PSMF1: variants seen among roughly 807,000 people sequenced by gnomAD.
The protein encoded by PSMF1 is proteasome inhibitor subunit 1, also known as proteasome inhibitor PI31 subunit.
PSMF1 carries 30 observed loss-of-function variants against 29.3 expected under a neutral mutation model. The observed-to-expected ratio is 1.02, with a 90% CI of 0.77 to 1.39. PSMF1 has a LOEUF of 1.39. PSMF1 is among the 40% of genes most tolerant of loss of function. PSMF1 has a pLI of 0.00. For synonymous variants in PSMF1, 134 were observed against 139.7 expected (o/e 0.96, Z 0.29); for missense variants, 344 against 357.5 (o/e 0.96, Z 0.31).
Position 1,163,289 on chromosome 20 carries a change from G to A in PSMF1, c.605+106G>A, listed in dbSNP as rs2086689268. On this transcript the variant is annotated intron_variant, in intron 5 of 6. Coordinates refer to ENST00000335877, the MANE Select transcript of PSMF1 (RefSeq NM_006814.5). This position sits in a 1 kb window ranked among gnomAD's most constrained non-coding sequence, Gnocchi z 6.1. The stretch of plus-strand genomic sequence containing the variant: ...TTTTCGGTCAGTCTCTTCCTTTGGG[G>A]TGGAGGAGGCAGTTGTTGCTGAGCA... The A allele has an allele frequency of 1.1e-5, 14 of 1,292,248 alleles. No individual in the cohort carries two copies. Among genetic ancestry groups the A allele is most frequent in the Admixed American group, 2.0e-5 (1 of 50,530 alleles). 80.0% of individuals were successfully genotyped at this position (1,292,248 alleles called of 1,614,324 possible). A position where few individuals can be genotyped will look rare whatever the true frequency, so the allele number is the denominator to read the frequency against.
Position 1,118,837 on chromosome 20 carries a change from C to T in PSMF1, c.64C>T (p.Leu22Phe). 6.2e-7 allele frequency: 1 copy of T among 1,613,756 alleles called. No individual in the cohort carries two copies. The highest frequency in any genetic ancestry group is 8.5e-7 in the Non-Finnish European group (1 of 1,179,634). Residue 22 changes from leucine to phenylalanine, a missense_variant, in exon 1 of 7, where the codon CTC becomes TTC. Transcript: ENST00000335877. ...GGCCATCACCTGCAGGCAGGACGCGCTCGTCTGCTTCTTGCATTGGGAAGT... is the reference window on the plus strand; with the variant it reads ...GGCCATCACCTGCAGGCAGGACGCGTTCGTCTGCTTCTTGCATTGGGAAGT... ...APAITCRQDA[L>F]VCFLHWEVVT...
At chr20:1,153,811 G>A (rs2086561297) in intron 4 of PSMF1, among the ~76,000 whole-genome samples, 1 of 152,202 alleles carries the variant, frequency 6.6e-6, no homozygotes, top group South Asian at 2.1e-4. Context: ...AGGTGCAGTT[G>A]AGGCTCCTGA....
At chr20:1,150,950 TGTGA>T (rs1289563549) in intron 4 of PSMF1, among the ~76,000 whole-genome samples, 1 of 152,230 alleles carries the variant, frequency 6.6e-6, no homozygotes, top group African/African-American at 2.4e-5. Context: ...TTATGTGTGG[TGTGA>T]GATTTATATT....
intron 2 of PSMF1, 35 bp downstream of exon 2, chr20:1,125,685 A>T (rs1408498533): frequency 2.5e-6 from 4 of 1,595,986 alleles, no homozygotes; most frequent in East Asian, 4.5e-5. Flanking sequence ...TGCTGATGAG[A>T]TGGGGATAGG....
chr20:1,129,534 G>T (rs2086202044), intron 3 of PSMF1, among the ~76,000 whole-genome samples: 1 of 152,124 alleles, frequency 6.6e-6, no homozygotes, highest in South Asian at 2.1e-4. Flanking sequence ...TTCCCCTCCT[G>T]CATGCCACCC....
At position 1,171,991 on chromosome 20, in the gene PSMF1, C is replaced by T. The variant is rs144516424; in HGVS notation, c.*6911C>T. ...TGGCCTTGGACAAGTTTGGCTTTCC[C>T]CATCTGTAAAATGTAGATAAGGATG... is the stretch of plus-strand genomic sequence containing the variant. On this transcript the variant is annotated 3_prime_UTR_variant, in exon 7 of 7. Transcript: ENST00000335877. Among the ~76,000 whole-genome samples, 309 of 152,296 alleles carry T rather than the reference C, an allele frequency of 2.0e-3. 2 individuals are homozygous for T. Among genetic ancestry groups the T allele is most frequent in the African/African-American group, 7.1e-3 (297 of 41,566 alleles).
chr20:1,143,215 A>G (rs2086405874), intron 4 of PSMF1, among the ~76,000 whole-genome samples: 1 of 152,238 alleles, frequency 6.6e-6, no homozygotes, highest in African/African-American at 2.4e-5. Flanking sequence ...TTTTAAAAGA[A>G]TAAAGTAGAA....
At chr20:1,161,732 T>A (rs1463142198) in intron 4 of PSMF1, 5 of 551,994 alleles carry the variant, frequency 9.1e-6, no homozygotes, top group Non-Finnish European at 1.7e-5. Flanking sequence ...ATTTGCTGCA[T>A]AGGATAATTC....
chr20:1,122,798 T>G (rs145326572), intron 1 of PSMF1, among the ~76,000 whole-genome samples: 1 of 152,214 alleles, frequency 6.6e-6, no homozygotes, highest in Admixed American at 6.5e-5. Flanking sequence ...GTTAGAGATA[T>G]CAGTTTCACC....
intron 2 of PSMF1, among the ~76,000 whole-genome samples, chr20:1,126,726 A>G (rs1024419580): frequency 6.6e-6 from 1 of 152,040 alleles, no homozygotes; most frequent in South Asian, 2.1e-4. Flanking sequence ...AATATTTTTA[A>G]ACCTTAGCCG....
At chr20:1,134,870 TAATGGGGTGGTAA>T (rs1314692245) in intron 3 of PSMF1, 1 of 568,474 alleles carries the variant, frequency 1.8e-6, no homozygotes, top group Non-Finnish European at 3.2e-6. Context: ...CACCTCTTTC[TAATGGGGTGGTAA>T]ACAAGGAGGG....
At chr20:1,119,055 G>C (rs919646614) in intron 1 of PSMF1, among the ~76,000 whole-genome samples, 153 bp downstream of exon 1, 2 of 152,182 alleles carry the variant, frequency 1.3e-5, no homozygotes, top group Non-Finnish European at 2.9e-5. Flanking sequence ...GCGGGTCGGA[G>C]GTTGCTCACC....
intron 4 of PSMF1, chr20:1,160,517 T>G (rs1426340588): frequency 3.2e-6 from 1 of 316,642 alleles, no homozygotes; most frequent in African/African-American, 2.2e-5. Context: ...AGGGTCTCAC[T>G]CACTACTGCT....
intron 4 of PSMF1, among the ~76,000 whole-genome samples, chr20:1,157,589 T>TC (rs199829019): frequency 6.6e-6 from 1 of 151,558 alleles, no homozygotes; most frequent in African/African-American, 2.4e-5. Flanking sequence ...CTTTCTTAAT[T>TC]AAGTGTATGC....
In PSMF1 at chr20:1,166,356, A is replaced by G. The variant is rs2086730633; in HGVS notation, c.*1276A>G. ...CCGCTCTGCAGCTAGCATTTCAACC[A>G]TATGTGGATCCTTTCATTTCTCAGC... On this transcript the variant is annotated 3_prime_UTR_variant, in exon 7 of 7. Coordinates refer to ENST00000335877, the MANE Select transcript of PSMF1 (RefSeq NM_006814.5). The G allele has an allele frequency of 8.2e-7, 1 of 1,224,854 alleles. No individual in the cohort carries two copies. The highest frequency in any genetic ancestry group is 1.3e-5 in the South Asian group (1 of 78,380). 75.9% of individuals were successfully genotyped at this position (1,224,854 alleles called of 1,614,324 possible). A position where few individuals can be genotyped will look rare whatever the true frequency, so the allele number is the denominator to read the frequency against.
chr20:1,133,215 A>G (rs909420520), intron 3 of PSMF1, among the ~76,000 whole-genome samples: 8 of 151,150 alleles, frequency 5.3e-5, no homozygotes, highest in African/African-American at 1.9e-4. Flanking sequence ...TGTTAGGGGT[A>G]GGTTTTTTGT....
intron 4 of PSMF1, 59 bp downstream of exon 4, chr20:1,135,365 A>G (rs1029993481): frequency 5.9e-5 from 88 of 1,499,112 alleles, no homozygotes; most frequent in Middle Eastern, 2.3e-4. Context: ...CCAGCCAGCT[A>G]TCCCCATCCT....
chr20:1,156,953 G>A (rs926697687), intron 4 of PSMF1, among the ~76,000 whole-genome samples: 2 of 152,176 alleles, frequency 1.3e-5, no homozygotes, highest in Non-Finnish European at 2.9e-5. Context: ...ACATACATAT[G>A]TATTGGGGAG....
Position 1,154,694 on chromosome 20 carries a change from C to T in PSMF1, c.552-8436C>T, listed in dbSNP as rs1391945600. 1.3e-5 allele frequency among the ~76,000 whole-genome samples: 2 copies of T among 152,246 alleles called. 1 individual carries two copies. Among genetic ancestry groups the T allele is most frequent in the African/African-American group, 4.8e-5 (2 of 41,460 alleles). On this transcript the variant is annotated intron_variant, in intron 4 of 6. Transcript: ENST00000335877. ...CACTCCTAGTCTTCTGAATGAGAAC[C>T]TGCATTTTAGCAGGATCCCCCACTG...
Sources: allele counts gnomAD v4.1 joint callset (sites outside exome capture counted in the v4.1 genomes callset), GRCh38; gene constraint gnomAD v4.1.1; non-coding constraint Gnocchi (gnomAD v3.1); transcripts MANE v1.5; gene names NCBI Gene and HGNC (gene_info 2026-07-23, HGNC 2026-07-21).